The following CSMD2 variants were observed in gnomAD, a reference collection of about 807,000 sequenced individuals.
CSMD2 encodes the protein CUB and Sushi multiple domains 2, also known as CUB and sushi domain-containing protein 2.
In CSMD2, 130 loss-of-function variants were observed where a neutral mutation model predicts 398.5. The observed-to-expected ratio is 0.33, with a 90% confidence interval of 0.28 to 0.38. The LOEUF is 0.38. Ranked by LOEUF, CSMD2 falls within the 10% of genes least tolerant of loss-of-function variation. The pLI, the probability that CSMD2 is intolerant of heterozygous loss-of-function variation, is 1.00. For synonymous variants in CSMD2, 1,828 were observed against 1,908.5 expected (o/e 0.96, Z 1.10); for missense variants, 3,829 against 4,764.9 (o/e 0.80, Z 5.78).
intron 4 of CSMD2, among the ~76,000 whole-genome samples, chr1:33,922,331 G>A (rs1410175203): frequency 6.6e-6 from 1 of 152,160 alleles, no homozygotes; most frequent in African/African-American, 2.4e-5. Flanking sequence ...GCACTCAGGT[G>A]GAAAGTAAGC....
At chr1:33,770,173 C>T (rs498925) in intron 13 of CSMD2, among the ~76,000 whole-genome samples, 47,365 of 152,032 alleles carry the variant, frequency 0.31, 8,349 homozygotes, top group African/African-American at 0.48. Context: ...TCTTTTTCTA[C>T]AAATATGATC....
At chr1:34,063,251 A>G (rs1278063825) in intron 2 of CSMD2, among the ~76,000 whole-genome samples, 2 of 152,144 alleles carry the variant, frequency 1.3e-5, no homozygotes, top group Admixed American at 6.5e-5. Flanking sequence ...AAAACCAATC[A>G]TGCCTTCCCA....
At chr1:33,914,128 T>C (rs1040719519) in intron 5 of CSMD2, among the ~76,000 whole-genome samples, 4 of 151,894 alleles carry the variant, frequency 2.6e-5, no homozygotes, top group Non-Finnish European at 5.9e-5. Context: ...TAGAACGTGA[T>C]GGAAAGGAAT....
At chr1:33,681,895 G>A (rs1176210679) in intron 25 of CSMD2, among the ~76,000 whole-genome samples, 1 of 152,198 alleles carries the variant, frequency 6.6e-6, no homozygotes, top group Admixed American at 6.5e-5. Context: ...GAACCCGGGA[G>A]GTGGAGTTTG....
In CSMD2 at chr1:33,825,690, C is replaced by T. The variant is rs1412986884; in HGVS notation, c.1111+7G>A. 1 of 1,598,342 alleles carries T rather than the reference C, an allele frequency of 6.3e-7. No homozygotes were observed. The highest frequency in any genetic ancestry group is 1.1e-5 in the South Asian group (1 of 88,762). The stretch of plus-strand genomic sequence containing the variant: ...CCCGGCAGGCGGGCTGGCGGGCGGA[C>T]ACTTACACACAGACGTCTTCTGGCT... On this transcript the variant is annotated splice_region_variant and intron_variant, in intron 7 of 70. Transcript: ENST00000373381.
At chr1:33,730,790 GAAGTT>G (rs1327596322) in intron 15 of CSMD2, among the ~76,000 whole-genome samples, 8 of 152,086 alleles carry the variant, frequency 5.3e-5, no homozygotes, top group Non-Finnish European at 1.0e-4. Flanking sequence ...TGATATTAAA[GAAGTT>G]AAGTAAAAAA....
At chr1:33,553,724 G>A (rs1405594161) in intron 55 of CSMD2, among the ~76,000 whole-genome samples, 2 of 152,084 alleles carry the variant, frequency 1.3e-5, no homozygotes, top group African/African-American at 2.4e-5. Context: ...AAATTAGAAG[G>A]GCTGCTTCCG....
Position 33,732,056 on chromosome 1 carries a change from A to T in CSMD2, c.2369-5371T>A, listed in dbSNP as rs541183908. Among the ~76,000 whole-genome samples, 4 of 152,320 alleles carry T rather than the reference A, an allele frequency of 2.6e-5. No homozygotes were observed. In the East Asian group the frequency reaches 7.7e-4, roughly 29 times the overall value. ...TTCTCTCTGTTTTGGTATATGTTTG[A>T]AATTTTTCATTTAAACAAGGTGAAG... On this transcript the variant is annotated intron_variant, in intron 15 of 70. Coordinates refer to ENST00000373381, the MANE Select transcript of CSMD2 (RefSeq NM_001281956.2).
At chr1:34,133,983 C>T (rs895245935) in intron 1 of CSMD2, among the ~76,000 whole-genome samples, 6 of 142,876 alleles carry the variant, frequency 4.2e-5, no homozygotes, top group South Asian at 2.3e-4. Context: ...GCAGGAGAAT[C>T]GCTTGAACCG....
Position 33,810,775 on chromosome 1 carries a change from C to A in CSMD2, c.1414G>T (p.Val472Leu). The change falls in exon 10 of 71, where the codon GTG (valine) becomes TTG (leucine). Residue 472 changes from valine to leucine, a missense_variant. Val to Leu is a conservative substitution (Grantham distance 32). Around this residue, in one of 5 missense-constraint regions of CSMD2, gnomAD observed 2,001 missense variants for 2,567.1 expected, o/e 0.78. Transcript: ENST00000373381. ...GGGTTGAGTGCTGTGATGATCCACACACAGTGTGCATTGTTGTCATACTGA... is the reference window on the plus strand; with the variant it reads ...GGGTTGAGTGCTGTGATGATCCACAAACAGTGTGCATTGTTGTCATACTGA... ...PIQYDNNAHC[V>L]WIITALNPSK... The A allele has an allele frequency of 1.2e-6, 2 of 1,613,462 alleles. No individual in the cohort carries two copies. Among genetic ancestry groups the A allele is most frequent in the Non-Finnish European group, 1.7e-6 (2 of 1,179,748 alleles).
intron 12 of CSMD2, among the ~76,000 whole-genome samples, chr1:33,788,088 C>G (rs1001989556): frequency 6.6e-6 from 1 of 152,120 alleles, no homozygotes; most frequent in Non-Finnish European, 1.5e-5. Context: ...GGGTGCCTAG[C>G]ATTTTAAGTG....
chr1:33,695,631 A>C (rs1199639932), intron 24 of CSMD2, among the ~76,000 whole-genome samples: 1 of 152,232 alleles, frequency 6.6e-6, no homozygotes, highest in Non-Finnish European at 1.5e-5. Context: ...AGGCCCTCAC[A>C]ATCTCTAGGC....
intron 44 of CSMD2, among the ~76,000 whole-genome samples, chr1:33,595,917 A>G (rs768515021): frequency 6.6e-6 from 1 of 152,248 alleles, no homozygotes; most frequent in Non-Finnish European, 1.5e-5. Flanking sequence ...AGAGCTAAGA[A>G]ATGTATGTGC....
intron 3 of CSMD2, among the ~76,000 whole-genome samples, chr1:33,974,169 C>T (rs1197907283): frequency 3.9e-5 from 6 of 152,188 alleles, no homozygotes; most frequent in African/African-American, 1.4e-4. Context: ...ACATTTCTCT[C>T]CCTTGGCAAA....
intron 25 of CSMD2, among the ~76,000 whole-genome samples, chr1:33,684,314 T>C (rs1025369146): frequency 5.3e-5 from 8 of 152,114 alleles, no homozygotes; most frequent in Admixed American, 4.6e-4. Flanking sequence ...ATCCCTGAAG[T>C]TAAAAAACAA....
chr1:33,965,394 A>G (rs1440081017), intron 3 of CSMD2, among the ~76,000 whole-genome samples: 1 of 152,220 alleles, frequency 6.6e-6, no homozygotes, highest in Non-Finnish European at 1.5e-5. Flanking sequence ...TTAGTGCCAT[A>G]AACACACAAT....
rs530687401 is a variant in CSMD2, at chr1:33,527,192, G to A, written c.10234+4C>T. On this transcript the variant is annotated splice_donor_region_variant and intron_variant, in intron 65 of 70. Transcript: ENST00000373381. ...CTTGAGCCAATGATCTGGACCATAC[G>A]TACTCAAGGCTTGGGTGAGCGGTGG... The A allele has an allele frequency of 5.0e-6, 8 of 1,612,754 alleles. No homozygotes were observed. The African/African-American group carries it at 6.7e-5, about 13-fold the overall frequency.
At position 33,990,759 on chromosome 1, in the gene CSMD2, T is replaced by G. The variant is rs188476094; in HGVS notation, c.517+41835A>C. Among the ~76,000 whole-genome samples, 268 of 152,310 alleles carry G rather than the reference T, an allele frequency of 1.8e-3. 1 individual carries two copies. The highest frequency in any genetic ancestry group is 6.8e-3 in the South Asian group (33 of 4,828). Reference sequence around the variant, plus strand: ...TAAGACATTTAAACAGTGCCAGCCTTAGGTTGAGGCCAGGGGTGAGCCTAC... The same window carrying G: ...TAAGACATTTAAACAGTGCCAGCCTGAGGTTGAGGCCAGGGGTGAGCCTAC... On this transcript the variant is annotated intron_variant, in intron 3 of 70. Coordinates refer to ENST00000373381, the MANE Select transcript of CSMD2 (RefSeq NM_001281956.2).
At chr1:34,095,602 C>A (rs1381093679) in intron 1 of CSMD2, among the ~76,000 whole-genome samples, 1 of 152,004 alleles carries the variant, frequency 6.6e-6, no homozygotes, top group Admixed American at 6.6e-5. Flanking sequence ...CACAGAAATG[C>A]AAACTACCAT....
Sources: allele counts gnomAD v4.1 joint callset (sites outside exome capture counted in the v4.1 genomes callset), GRCh38; gene constraint gnomAD v4.1.1; regional missense constraint gnomAD v4.1.1; transcripts MANE v1.5; gene names NCBI Gene and HGNC (gene_info 2026-07-23, HGNC 2026-07-21).